The following PTPRN2 variants were observed in gnomAD, a reference collection of about 807,000 sequenced individuals.
PTPRN2 encodes the protein protein tyrosine phosphatase receptor type N2.
PTPRN2 carries 74 observed loss-of-function variants against 118.8 expected under a neutral mutation model. The ratio of observed to expected loss-of-function variants is 0.62; its 90% CI spans 0.52 to 0.76. The LOEUF (loss-of-function observed/expected upper bound fraction) is 0.76, where lower values mean the gene tolerates loss of function less well. Ranked by LOEUF, PTPRN2 falls within the 30% of genes least tolerant of loss-of-function variation. The pLI is 0.00. For synonymous variants in PTPRN2, 641 were observed against 608.0 expected, an observed-to-expected ratio of 1.05 and a Z score of -0.80; for missense variants, 1,481 against 1,394.4, an observed-to-expected ratio of 1.06 and a Z score of -0.99.
rs980831798 is a variant in PTPRN2 at position 158,562,064 on chromosome 7, G to T, written c.112+25494C>A. 2.0e-5 allele frequency among the ~76,000 whole-genome samples: 3 copies of T among 152,216 alleles called. No individual in the cohort carries two copies. The South Asian group carries it at 6.2e-4, about 32-fold the overall frequency. On this transcript the variant is annotated intron_variant, in intron 1 of 22. Coordinates refer to ENST00000389418, the MANE Select transcript of PTPRN2 (RefSeq NM_002847.5). Reference sequence around the variant, plus strand: ...TGAGATCTCATGACCTCCAAGAGAAGTCTCTCTGTCAGGAAATGTCTTAGC... The same window carrying T: ...TGAGATCTCATGACCTCCAAGAGAATTCTCTCTGTCAGGAAATGTCTTAGC...
intron 12 of PTPRN2, chr7:157,854,623 C>G (rs1388609335): frequency 6.6e-6 from 1 of 152,632 alleles, no homozygotes; most frequent in Non-Finnish European, 1.5e-5. Context: ...ATCGGACGGG[C>G]AGGGAGGCTG....
intron 12 of PTPRN2, among the ~76,000 whole-genome samples, chr7:157,888,026 T>A (rs1417982942): frequency 6.9e-6 from 1 of 145,336 alleles, no homozygotes; most frequent in Non-Finnish European, 1.5e-5. Flanking sequence ...TGGGGTGAGA[T>A]GCCACAGGCT....
At chr7:158,196,669 C>A (rs910229825) in intron 4 of PTPRN2, among the ~76,000 whole-genome samples, 1 of 152,184 alleles carries the variant, frequency 6.6e-6, no homozygotes, top group Non-Finnish European at 1.5e-5. Context: ...TCCCCGGGCA[C>A]CCCTGGGGCC....
At chr7:157,907,680 T>G (rs1379022321) in intron 11 of PTPRN2, among the ~76,000 whole-genome samples, 1 of 148,500 alleles carries the variant, frequency 6.7e-6, no homozygotes, top group Non-Finnish European at 1.5e-5. Context: ...GGTGGCAGTA[T>G]CTCCCTGTCC....
rs1563520870 is a variant in PTPRN2 at position 158,151,113 on chromosome 7, TAC to T, written c.911-12600_911-12599del. 1.7e-3 allele frequency among the ~76,000 whole-genome samples: 86 copies of T among 50,898 alleles called. 6 individuals are homozygous for T. Among genetic ancestry groups the T allele is most frequent in the African/African-American group, 6.4e-3 (75 of 11,658 alleles). The allele number at this position is 50,898 out of a possible 152,430, so 33.4% of individuals were successfully genotyped here. A position where few individuals can be genotyped will look rare whatever the true frequency, so the allele number is the denominator to read the frequency against. On this transcript the variant is annotated intron_variant, in intron 6 of 22. Coordinates refer to ENST00000389418, the MANE Select transcript of PTPRN2 (RefSeq NM_002847.5). ...CCCAAACCGCCCGCCTTTCTGCTCCTACCCCTGCCCACACCGCCCGCCTTTCT... is the reference window on the plus strand; with the variant it reads ...CCCAAACCGCCCGCCTTTCTGCTCCTCCCTGCCCACACCGCCCGCCTTTCT...
rs1023873858 is a variant in PTPRN2 at position 157,585,020 on chromosome 7, C to G, written c.2497-6880G>C. The stretch of plus-strand genomic sequence containing the variant: ...AAACCTTCGTGATGCCGTCCATGAC[C>G]AGCTCATGGTGCACCTACCTGGCTT... On this transcript the variant is annotated intron_variant, in intron 17 of 22. Coordinates refer to ENST00000389418, the MANE Select transcript of PTPRN2 (RefSeq NM_002847.5). This position sits in a 1 kb window ranked among gnomAD's most constrained non-coding sequence, Gnocchi z 5.2. Among the ~76,000 whole-genome samples the G allele has an allele frequency of 6.6e-6, 1 of 152,166 alleles. No individual in the cohort carries two copies. The highest frequency in any genetic ancestry group is 1.9e-4 in the East Asian group (1 of 5,184).
chr7:157,896,542 C>T (rs981769928), intron 12 of PTPRN2, among the ~76,000 whole-genome samples: 4 of 151,534 alleles, frequency 2.6e-5, no homozygotes, highest in African/African-American at 7.3e-5. Flanking sequence ...AGTGGGCAGC[C>T]GGGGAGGTGC....
At chr7:158,584,087 A>C (rs1828790903) in intron 1 of PTPRN2, among the ~76,000 whole-genome samples, 2 of 152,194 alleles carry the variant, frequency 1.3e-5, no homozygotes, top group South Asian at 4.1e-4. Flanking sequence ...AAAGGAGCAA[A>C]ATGAACAATC....
chr7:157,722,802 G>A (rs1383322812), intron 12 of PTPRN2, among the ~76,000 whole-genome samples: 3 of 152,116 alleles, frequency 2.0e-5, no homozygotes, highest in Non-Finnish European at 2.9e-5. Flanking sequence ...CAAGGGAGAA[G>A]GCAGGGGTGA....
intron 2 of PTPRN2, among the ~76,000 whole-genome samples, chr7:158,440,731 A>G (rs892440316): frequency 1.5e-5 from 2 of 135,844 alleles, no homozygotes; most frequent in Admixed American, 7.3e-5. Flanking sequence ...GGTGGTGGTG[A>G]TGATGACAGT....
chr7:157,691,723 A>C (rs12698102), intron 12 of PTPRN2, among the ~76,000 whole-genome samples: 23,754 of 152,152 alleles, frequency 0.16, 2,347 homozygotes, highest in Non-Finnish European at 0.22. Flanking sequence ...TCTGCGGGCG[A>C]AAGGAGTGGA....
At chr7:157,554,805 C>T (rs545723680) in intron 21 of PTPRN2, among the ~76,000 whole-genome samples, 12 of 152,386 alleles carry the variant, frequency 7.9e-5, no homozygotes, top group South Asian at 6.2e-4. Flanking sequence ...AAGTCCCAGG[C>T]GTTTTCCACC....
chr7:158,482,304 A>G (rs1301851522), intron 2 of PTPRN2, among the ~76,000 whole-genome samples: 1 of 152,250 alleles, frequency 6.6e-6, no homozygotes, highest in African/African-American at 2.4e-5. Flanking sequence ...GTAAAATGCT[A>G]CCAAACAGCA....
chr7:158,539,435 C>T (rs575528145), intron 1 of PTPRN2: 23 of 152,476 alleles, frequency 1.5e-4, no homozygotes, highest in African/African-American at 5.3e-4. Flanking sequence ...GTGGCTCCTC[C>T]CTGCAAATCA....
chr7:158,175,669 A>C (rs548818630), intron 5 of PTPRN2, among the ~76,000 whole-genome samples: 1 of 152,184 alleles, frequency 6.6e-6, no homozygotes, highest in African/African-American at 2.4e-5. Flanking sequence ...ATACGGTGCT[A>C]TCTCTGCAGC....
chr7:158,440,665 A>ATAG lies in PTPRN2; in HGVS notation c.163+49067_163+49069dup, dbSNP rs1554502920. Among the ~76,000 whole-genome samples the ATAG allele has an allele frequency of 9.1e-4, 135 of 147,708 alleles. 2 individuals are homozygous for ATAG. The highest frequency in any genetic ancestry group is 3.6e-3 in the Middle Eastern group (1 of 278). On this transcript the variant is annotated intron_variant, in intron 2 of 22. Transcript: ENST00000389418. ...GGTGGCAGTAGTGATGGTGGTAGTG[A>ATAG]TAGTGACAGGGTGGTGGTGGTGGTG...
At chr7:157,604,124 G>A (rs774167726) in intron 15 of PTPRN2, 49 bp from the exon 16 acceptor site, 57 of 1,573,624 alleles carry the variant, frequency 3.6e-5, no homozygotes, top group Admixed American at 8.4e-5. Context: ...CCACCCAGCA[G>A]TGTGAGACCC....
intron 11 of PTPRN2, among the ~76,000 whole-genome samples, chr7:157,980,992 G>A (rs568256294): frequency 1.3e-5 from 2 of 151,328 alleles, no homozygotes; most frequent in South Asian, 2.1e-4. Flanking sequence ...GGGACAGGTG[G>A]GGGGTAAGTA....
At chr7:158,282,943 C>A (rs114801416) in intron 3 of PTPRN2, among the ~76,000 whole-genome samples, 2,329 of 151,522 alleles carry the variant, frequency 0.015, 75 homozygotes, top group African/African-American at 0.053. Flanking sequence ...GGTGGTCCCT[C>A]CTCGTGCTCC....
Sources: gnomAD v4.1 joint callset for allele counts (sites outside exome capture counted in the v4.1 genomes callset) on GRCh38, gnomAD v4.1.1 for gene constraint, Gnocchi (gnomAD v3.1) non-coding constraint, MANE v1.5 for transcripts, NCBI Gene and HGNC (gene_info 2026-07-23, HGNC 2026-07-21) for gene names.